MGAT5: variants seen among roughly 807,000 people sequenced by gnomAD.
MGAT5 encodes alpha-1,6-mannosylglycoprotein 6-beta-N-acetylglucosaminyltransferase A.
In MGAT5, 30 loss-of-function variants were observed where a neutral mutation model predicts 94.3. The ratio of observed to expected loss-of-function variants is 0.32; its 90% CI spans 0.24 to 0.43. The LOEUF (loss-of-function observed/expected upper bound fraction) is 0.43. MGAT5 is among the 20% of genes least tolerant of loss of function. The pLI is 1.00. For missense variants in MGAT5, 691 were observed against 905.5 expected (o/e 0.76, Z 3.04); for synonymous variants, 310 against 322.9 (o/e 0.96, Z 0.43).
intron 7 of MGAT5, among the ~76,000 whole-genome samples, chr2:134,342,452 T>G (rs1322126494): frequency 6.6e-6 from 1 of 152,106 alleles, no homozygotes; most frequent in Non-Finnish European, 1.5e-5. Flanking sequence ...ATGAACATTC[T>G]AGAGCTCATT....
chr2:134,366,217 A>G (rs1680420159), intron 10 of MGAT5, among the ~76,000 whole-genome samples: 2 of 152,240 alleles, frequency 1.3e-5, no homozygotes, highest in African/African-American at 4.8e-5. Flanking sequence ...AGTATGGTCA[A>G]TTTCAAAATC....
At chr2:134,343,751 G>A (rs1010173023) in intron 7 of MGAT5, among the ~76,000 whole-genome samples, 1 of 152,132 alleles carries the variant, frequency 6.6e-6, no homozygotes, top group Non-Finnish European at 1.5e-5. Flanking sequence ...GGCTCAGCAG[G>A]CCAAATCAGC....
intron 10 of MGAT5, among the ~76,000 whole-genome samples, chr2:134,390,975 C>T (rs570514632): frequency 1.7e-4 from 26 of 152,210 alleles, no homozygotes; most frequent in Non-Finnish European, 2.2e-4. Flanking sequence ...TAAAGGTCTT[C>T]GTTTCTTGGA....
chr2:134,284,152 CT>C (rs1293837042), intron 2 of MGAT5, among the ~76,000 whole-genome samples: 1 of 152,188 alleles, frequency 6.6e-6, no homozygotes, highest in African/African-American at 2.4e-5. Context: ...GAGATTGCAA[CT>C]TTCCAAAATC....
At chr2:134,207,215 C>A (rs575537517) in intron 1 of MGAT5, among the ~76,000 whole-genome samples, 70 of 152,262 alleles carry the variant, frequency 4.6e-4, no homozygotes, top group African/African-American at 1.5e-3. Context: ...TTTAAGGACG[C>A]TGTGATTGCA....
At chr2:134,225,552 T>C (rs1483054527) in intron 1 of MGAT5, among the ~76,000 whole-genome samples, 3 of 152,240 alleles carry the variant, frequency 2.0e-5, no homozygotes, top group Non-Finnish European at 2.9e-5. Flanking sequence ...TATATCCATA[T>C]GTCAGTATGT....
intron 10 of MGAT5, among the ~76,000 whole-genome samples, chr2:134,391,356 A>G (rs767011126): frequency 1.6e-4 from 25 of 152,200 alleles, no homozygotes; most frequent in Non-Finnish European, 3.2e-4. Flanking sequence ...TGGAAACTAC[A>G]GTTAGTTAGC....
At chr2:134,294,941 A>G (rs1387614527) in intron 2 of MGAT5, among the ~76,000 whole-genome samples, 1 of 152,206 alleles carries the variant, frequency 6.6e-6, no homozygotes, top group Non-Finnish European at 1.5e-5. Flanking sequence ...TGTTCCAGCC[A>G]ATGGAAACTG....
At position 134,160,762 on chromosome 2, in the gene MGAT5, A is replaced by G. The variant is rs115204250; in HGVS notation, c.-143+40471A>G. 7.6e-3 allele frequency among the ~76,000 whole-genome samples: 1,159 copies of G among 152,338 alleles called. 11 individuals carry two copies. Among genetic ancestry groups the G allele is most frequent in the African/African-American group, 0.026 (1,064 of 41,572 alleles). The stretch of plus-strand genomic sequence containing the variant: ...GCTGTGACTTTATGCAGGTTACTTT[A>G]ACCCTCTGTGCTTAGTTCCTTCATC... On this transcript the variant is annotated intron_variant, in intron 1 of 16. Coordinates refer to the MGAT5 transcript ENST00000409645.
At chr2:134,208,366 C>G (rs927596384) in intron 1 of MGAT5, among the ~76,000 whole-genome samples, 5 of 152,164 alleles carry the variant, frequency 3.3e-5, no homozygotes, top group African/African-American at 1.2e-4. Context: ...AGTATGTATG[C>G]TACGGTGTAA....
intron 2 of MGAT5, among the ~76,000 whole-genome samples, chr2:134,297,847 T>C (rs1685769821): frequency 6.6e-6 from 1 of 152,132 alleles, no homozygotes; most frequent in South Asian, 2.1e-4. Context: ...TGAAGTTAAG[T>C]GATGGGTAGA....
At chr2:134,253,935 G>T (rs951452881), upstream of MGAT5, among the ~76,000 whole-genome samples, 1 of 152,114 alleles carries the variant, frequency 6.6e-6, no homozygotes, top group South Asian at 2.1e-4. Context: ...CACCCTCCCC[G>T]TTTTTGCTGA....
chr2:134,171,922 G>T (rs759388770), intron 1 of MGAT5, among the ~76,000 whole-genome samples: 1 of 152,106 alleles, frequency 6.6e-6, no homozygotes, highest in Non-Finnish European at 1.5e-5. Flanking sequence ...ATACACTTTG[G>T]CACTCTGGTC....
intron 2 of MGAT5, among the ~76,000 whole-genome samples, chr2:134,313,951 AATG>A (rs1344606331): frequency 6.6e-6 from 1 of 152,212 alleles, no homozygotes; most frequent in African/African-American, 2.4e-5. Flanking sequence ...ACCAAACTTA[AATG>A]AGAGACATTT....
intron 1 of MGAT5, among the ~76,000 whole-genome samples, chr2:134,126,439 G>C (rs949587673): frequency 6.6e-5 from 10 of 152,124 alleles, no homozygotes. Flanking sequence ...GTGGCAAAAG[G>C]CTTGTAACAT....
At chr2:134,229,007 C>T (rs79500378) in intron 1 of MGAT5, among the ~76,000 whole-genome samples, 5,218 of 152,222 alleles carry the variant, frequency 0.034, 129 homozygotes, top group Middle Eastern at 0.16. Context: ...GAGTTCCTTG[C>T]ATTACTTCTT....
At chr2:134,381,391 T>TTAAGATA (rs1558841799) in intron 10 of MGAT5, among the ~76,000 whole-genome samples, 21 of 79,978 alleles carry the variant, frequency 2.6e-4, no homozygotes, top group African/African-American at 6.8e-4. Context: ...ATTAGATAGA[T>TTAAGATA]AGATAGATAG....
At chr2:134,306,019 T>C (rs1485372564) in intron 2 of MGAT5, among the ~76,000 whole-genome samples, 1 of 152,224 alleles carries the variant, frequency 6.6e-6, no homozygotes, top group Non-Finnish European at 1.5e-5. Context: ...TTTAAATGTA[T>C]GTATAGAAAC....
At chr2:134,443,787 C>A (rs1401254694) in intron 15 of MGAT5, among the ~76,000 whole-genome samples, 4 of 152,346 alleles carry the variant, frequency 2.6e-5, no homozygotes, top group African/African-American at 9.6e-5. Context: ...TTCTTGAGAA[C>A]CCTGAGTCTG....
Sources: allele counts gnomAD v4.1 joint callset (sites outside exome capture counted in the v4.1 genomes callset), GRCh38; gene constraint gnomAD v4.1.1; transcripts MANE v1.5; gene names NCBI Gene and HGNC (gene_info 2026-07-23, HGNC 2026-07-21).